The following STMN2 variants were observed in gnomAD, a reference collection of about 807,000 sequenced individuals.
STMN2 encodes the protein stathmin 2.
STMN2 carries 2 observed loss-of-function variants against 24.1 expected under a neutral mutation model. The observed-to-expected ratio is 0.08, with a 90% CI of 0.03 to 0.26. STMN2 has a LOEUF of 0.26. Among genes scored for constraint, STMN2 ranks in the 10% least tolerant of loss-of-function variants. The probability of loss-of-function intolerance (pLI) is 1.00; values close to 1 mark genes in which losing one functional copy is unlikely to be tolerated. For synonymous variants in STMN2, 83 were observed against 77.5 expected (o/e 1.07, Z -0.37); for missense variants, 114 against 213.6 (o/e 0.53, Z 2.91).
chr8:79,661,845 G>A (rs1227314977), intron 4 of STMN2, among the ~76,000 whole-genome samples: 3 of 151,996 alleles, frequency 2.0e-5, no homozygotes, highest in Non-Finnish European at 4.4e-5. Context: ...ATGAACATGT[G>A]CTTTCTTAGC....
chr8:79,639,937 C>T (rs1396861265), intron 2 of STMN2, among the ~76,000 whole-genome samples: 1 of 152,198 alleles, frequency 6.6e-6, no homozygotes, highest in Non-Finnish European at 1.5e-5. Flanking sequence ...CGTGGTGGCT[C>T]ACGCCTATAA....
chr8:79,663,366 T>C (rs1297831286), intron 4 of STMN2, among the ~76,000 whole-genome samples: 1 of 152,178 alleles, frequency 6.6e-6, no homozygotes, highest in African/African-American at 2.4e-5. Context: ...TTCCTGTGTT[T>C]CAGTTTCTTC....
chr8:79,645,121 C>T (rs979062489), intron 3 of STMN2, among the ~76,000 whole-genome samples: 23 of 151,012 alleles, frequency 1.5e-4, no homozygotes, highest in African/African-American at 5.1e-4. Flanking sequence ...TACCATTGCA[C>T]TCCAGCCTGG....
intron 2 of STMN2, among the ~76,000 whole-genome samples, chr8:79,639,623 A>G (rs1810046364): frequency 1.3e-5 from 2 of 152,220 alleles, no homozygotes; most frequent in African/African-American, 2.4e-5. Flanking sequence ...TTAAAACATA[A>G]GGGTCTGATA....
intron 1 of STMN2, among the ~76,000 whole-genome samples, chr8:79,633,648 T>G (rs1425973769): frequency 6.6e-6 from 1 of 152,230 alleles, no homozygotes; most frequent in Non-Finnish European, 1.5e-5. Context: ...GAGCTAGCTC[T>G]CTGGTCTCTT....
At chr8:79,619,892 T>A (rs1487767401) in intron 1 of STMN2, among the ~76,000 whole-genome samples, 1 of 151,888 alleles carries the variant, frequency 6.6e-6, no homozygotes. Context: ...TTTCTGATGA[T>A]TTTTTTCTTA....
chr8:79,663,627 A>G, intron 4 of STMN2: 1 of 1,531,644 alleles, frequency 6.5e-7, no homozygotes, highest in Non-Finnish European at 8.7e-7. Context: ...TAGAGTCTCA[A>G]TTTCTGGAGC....
chr8:79,621,277 A>C (rs771721833), intron 1 of STMN2, among the ~76,000 whole-genome samples: 21 of 152,356 alleles, frequency 1.4e-4, no homozygotes, highest in Admixed American at 7.2e-4. Flanking sequence ...AAAAACGTGA[A>C]AGTGATTAGT....
At chr8:79,657,782 T>C (rs1806409870) in intron 4 of STMN2, among the ~76,000 whole-genome samples, 2 of 152,258 alleles carry the variant, frequency 1.3e-5, no homozygotes, top group African/African-American at 4.8e-5. Flanking sequence ...TAATACAAAA[T>C]TGTGGTTTAC....
intron 3 of STMN2, among the ~76,000 whole-genome samples, chr8:79,647,874 T>C (rs13265536): frequency 0.14 from 20,769 of 152,262 alleles, 1,514 homozygotes; most frequent in Non-Finnish European, 0.17. Context: ...ATGACATGAA[T>C]GCTTTAACCA....
In STMN2 at chr8:79,654,974, C is replaced by T. The variant is rs753444418; in HGVS notation, c.392C>T (p.Ala131Val). ...LEENNNFSKM[A>V]EEKLILKMEQ... ...GAGAACAACAACTTCAGCAAGATGG[C>T]GGAGGAAAAGCTGATCCTGAAAATG... is the stretch of plus-strand genomic sequence containing the variant. The change falls in exon 4 of 5, where the codon GCG (alanine) becomes GTG (valine). Residue 131 changes from alanine (A) to valine (V), a missense_variant. Physicochemically the swap from Ala to Val is moderately conservative, Grantham distance 64 (BLOSUM62 0). Transcript: ENST00000220876. 1 of 1,613,858 alleles carries T rather than the reference C, an allele frequency of 6.2e-7. No individual in the cohort carries two copies. Among genetic ancestry groups the T allele is most frequent in the Non-Finnish European group, 8.5e-7 (1 of 1,179,912 alleles).
At chr8:79,663,619 G>C (rs1806543525) in intron 4 of STMN2, 3 of 1,531,476 alleles carry the variant, frequency 2.0e-6, no homozygotes, top group South Asian at 2.4e-5. Context: ...AGAATCTATA[G>C]AGTCTCAATT....
At chr8:79,642,542 A>C (rs1810124141) in intron 3 of STMN2, among the ~76,000 whole-genome samples, 3 of 152,348 alleles carry the variant, frequency 2.0e-5, no homozygotes, top group Non-Finnish European at 4.4e-5. Flanking sequence ...TTCTCTAAAA[A>C]GTCAGCCAAA....
intron 2 of STMN2, among the ~76,000 whole-genome samples, chr8:79,638,239 T>C (rs939212555): frequency 1.3e-5 from 2 of 152,156 alleles, no homozygotes; most frequent in African/African-American, 4.8e-5. Context: ...CTTACACAAA[T>C]GACTAGAATG....
chr8:79,635,472 A>G (rs1347517302), intron 1 of STMN2, among the ~76,000 whole-genome samples: 2 of 152,256 alleles, frequency 1.3e-5, no homozygotes, highest in Non-Finnish European at 2.9e-5. Context: ...TCATGGCAGC[A>G]CTATTCACAA....
intron 1 of STMN2, among the ~76,000 whole-genome samples, chr8:79,627,875 T>A: frequency 6.6e-6 from 1 of 152,346 alleles, no homozygotes; most frequent in South Asian, 2.1e-4. Context: ...TCTGTTCCTG[T>A]CTTATTTCAC....
intron 1 of STMN2, among the ~76,000 whole-genome samples, chr8:79,613,197 G>C (rs1344936238): frequency 1.3e-5 from 2 of 151,948 alleles, no homozygotes; most frequent in African/African-American, 4.8e-5. Context: ...TTCCAGAATG[G>C]AGACCCCGCG....
At chr8:79,633,286 G>A (rs1809858987) in intron 1 of STMN2, among the ~76,000 whole-genome samples, 1 of 152,132 alleles carries the variant, frequency 6.6e-6, no homozygotes, top group African/African-American at 2.4e-5. Context: ...TCTCTGCAAT[G>A]GTTGTCACTG....
chr8:79,642,178 A>G (rs1810115139), intron 3 of STMN2, among the ~76,000 whole-genome samples: 1 of 152,138 alleles, frequency 6.6e-6, no homozygotes, highest in South Asian at 2.1e-4. Flanking sequence ...ATCTTTTTCT[A>G]AGACTTGATG....
Sources: allele counts gnomAD v4.1 joint callset (sites outside exome capture counted in the v4.1 genomes callset), GRCh38; gene constraint gnomAD v4.1.1; transcripts MANE v1.5; gene names NCBI Gene and HGNC (gene_info 2026-07-23, HGNC 2026-07-21).